Variants in CACNA1E observed in about 807,000 individuals in gnomAD.
CACNA1E encodes voltage-dependent R-type calcium channel subunit alpha-1E.
Under a neutral mutation model 259.2 loss-of-function variants are expected in CACNA1E, and 40 were observed. That is an observed-to-expected ratio of 0.15 (90% confidence interval 0.12 to 0.20). CACNA1E has a LOEUF of 0.20. Among genes scored for constraint, CACNA1E ranks in the 10% least tolerant of loss-of-function variants. CACNA1E has a pLI of 1.00. For synonymous variants in CACNA1E, 1,104 were observed against 1,138.5 expected, an observed-to-expected ratio of 0.97 and a Z score of 0.61; for missense variants, 1,874 against 3,040.1, an observed-to-expected ratio of 0.62 and a Z score of 9.02.
intron 6 of CACNA1E, among the ~76,000 whole-genome samples, chr1:181,619,642 A>G (rs891663059): frequency 6.6e-6 from 1 of 152,174 alleles, no homozygotes; most frequent in African/African-American, 2.4e-5. Context: ...CAATAATATG[A>G]GTGAGAGATG....
At chr1:181,791,556 C>T (rs978114396) in intron 44 of CACNA1E, among the ~76,000 whole-genome samples, 3 of 152,154 alleles carry the variant, frequency 2.0e-5, no homozygotes, top group Non-Finnish European at 4.4e-5. Context: ...CAAGTTTTGG[C>T]TTAGCTAATA....
In CACNA1E at chr1:181,357,778, T is replaced by C. The variant is rs551508235; in HGVS notation, c.-15+39655T>C. 4.6e-5 allele frequency among the ~76,000 whole-genome samples: 7 copies of C among 152,298 alleles called. 1 individual carries two copies. The highest frequency in any genetic ancestry group is 1.7e-4 in the African/African-American group (7 of 41,564). ...AATGACATTTGACATCTAGATGCCA[T>C]GAACATCCAGCCCCCTGAGGTACCC... On this transcript the variant is annotated intron_variant, in intron 1 of 11. Coordinates refer to the CACNA1E transcript ENST00000524607.
rs1662548282 is a variant in CACNA1E, at chr1:181,805,179, A to G, written c.*6345A>G. The G allele has an allele frequency of 6.6e-6, 1 of 152,232 alleles. No homozygotes were observed. Among genetic ancestry groups the G allele is most frequent in the Non-Finnish European group, 1.5e-5 (1 of 68,044 alleles). 9.4% of individuals were successfully genotyped at this position (152,232 alleles called of 1,614,324 possible). On this transcript the variant is annotated 3_prime_UTR_variant, in exon 48 of 48. Transcript: ENST00000367573. ...CCTAGACTTTATACCAGGCTGTGCC[A>G]CTTCCTCTTCACTTCACTCAGAGGA...
intron 3 of CACNA1E, among the ~76,000 whole-genome samples, chr1:181,566,251 C>T (rs1473560350): frequency 6.6e-6 from 1 of 152,194 alleles, no homozygotes; most frequent in African/African-American, 2.4e-5. Flanking sequence ...AGCTTGATCA[C>T]GTATTATCTC....
chr1:181,708,058 C>A (rs1652967488), intron 7 of CACNA1E, among the ~76,000 whole-genome samples: 1 of 152,122 alleles, frequency 6.6e-6, no homozygotes, highest in African/African-American at 2.4e-5. Flanking sequence ...TTGACTCAGG[C>A]AGATAAGCAT....
chr1:181,624,640 T>C (rs1269569798), intron 6 of CACNA1E, among the ~76,000 whole-genome samples: 1 of 152,210 alleles, frequency 6.6e-6, no homozygotes, highest in Admixed American at 6.5e-5. Context: ...TTAGTTCTCT[T>C]GCTGTTTTCA....
At chr1:181,771,512 G>T (rs1572855802) in intron 36 of CACNA1E, 128 bp downstream of exon 36, 4 of 645,108 alleles carry the variant, frequency 6.2e-6, no homozygotes, top group Non-Finnish European at 1.1e-5. Flanking sequence ...GTAGAAAGGG[G>T]AACAGGCAAT....
chr1:181,648,018 C>T (rs2102043307), intron 6 of CACNA1E, among the ~76,000 whole-genome samples: 1 of 152,352 alleles, frequency 6.6e-6, no homozygotes, highest in East Asian at 1.9e-4. Context: ...CAGGGCCTTG[C>T]TGGTGCTGGT....
intron 1 of CACNA1E, among the ~76,000 whole-genome samples, chr1:181,348,209 A>C (rs1366963338): frequency 1.3e-5 from 2 of 151,594 alleles, no homozygotes; most frequent in Non-Finnish European, 2.9e-5. Flanking sequence ...ATGGACTTGC[A>C]GTTGAGATGG....
intron 6 of CACNA1E, among the ~76,000 whole-genome samples, chr1:181,585,501 C>T (rs1480520115): frequency 6.6e-6 from 1 of 152,000 alleles, no homozygotes; most frequent in Non-Finnish European, 1.5e-5. Context: ...AACTTATATT[C>T]TAGTGGGAAA....
At chr1:181,387,508 C>T (rs1229561417) in intron 1 of CACNA1E, among the ~76,000 whole-genome samples, 3 of 152,190 alleles carry the variant, frequency 2.0e-5, no homozygotes, top group Non-Finnish European at 1.5e-5. Flanking sequence ...CTCCCCTCAG[C>T]CACAGGAGCC....
In CACNA1E at chr1:181,323,495, A is replaced by T. The variant is rs576344661; in HGVS notation, c.-15+5372A>T. Among the ~76,000 whole-genome samples the T allele has an allele frequency of 2.3e-3, 355 of 152,276 alleles. 6 individuals carry two copies. The highest frequency in any genetic ancestry group is 2.5e-3 in the Non-Finnish European group (171 of 68,016). On this transcript the variant is annotated intron_variant, in intron 1 of 11. Coordinates refer to the CACNA1E transcript ENST00000524607. ...TGAGGCCCCTTCCCATGTTAGGATC[A>T]TTGACTGTCATATGATTCTGTCTCC... is the stretch of plus-strand genomic sequence containing the variant.
intron 7 of CACNA1E, among the ~76,000 whole-genome samples, chr1:181,660,436 C>T (rs1481842212): frequency 1.3e-5 from 2 of 152,196 alleles, no homozygotes; most frequent in Non-Finnish European, 2.9e-5. Flanking sequence ...GCTAGTCCCT[C>T]CCCAAAGCTA....
At chr1:181,797,925 A>G (rs1402857954) in intron 47 of CACNA1E, among the ~76,000 whole-genome samples, 1 of 152,152 alleles carries the variant, frequency 6.6e-6, no homozygotes, top group Admixed American at 6.5e-5. Context: ...GCCCCTTGTT[A>G]CATATGTAGA....
chr1:181,778,579 C>G (rs1660153755), intron 38 of CACNA1E, among the ~76,000 whole-genome samples: 2 of 152,190 alleles, frequency 1.3e-5, no homozygotes, highest in South Asian at 2.1e-4. Context: ...GCTTCTTTTT[C>G]TGGACGCTGA....
chr1:181,460,712 G>A (rs146777253), intron 2 of CACNA1E, among the ~76,000 whole-genome samples: 68 of 152,306 alleles, frequency 4.5e-4, no homozygotes, highest in Non-Finnish European at 7.2e-4. Flanking sequence ...TACACTTAGA[G>A]TAGTATTTCT....
At chr1:181,763,561 G>T (rs1658770565) in intron 34 of CACNA1E, 30 bp downstream of exon 34, 3 of 1,519,102 alleles carry the variant, frequency 2.0e-6, no homozygotes. Context: ...CCTCTCTGAG[G>T]GTTGTCATAT....
At chr1:181,681,512 C>T (rs1649968718) in intron 7 of CACNA1E, among the ~76,000 whole-genome samples, 1 of 152,142 alleles carries the variant, frequency 6.6e-6, no homozygotes. Context: ...AGGTTTCTGC[C>T]ATAGCCTACC....
intron 40 of CACNA1E, 110 bp from the exon 41 acceptor site, chr1:181,784,551 C>G (rs1017590306): frequency 7.5e-5 from 50 of 666,066 alleles, no homozygotes; most frequent in Non-Finnish European, 2.8e-5. Flanking sequence ...GCCAAGATTT[C>G]CTCTTAAAAT....
Sources: gnomAD v4.1 joint callset for allele counts (sites outside exome capture counted in the v4.1 genomes callset) on GRCh38, gnomAD v4.1.1 for gene constraint, MANE v1.5 for transcripts, NCBI Gene and HGNC (gene_info 2026-07-23, HGNC 2026-07-21) for gene names.